NPAS3: variants seen among roughly 807,000 people sequenced by gnomAD.
NPAS3 encodes neuronal PAS domain protein 3.
NPAS3 carries 14 observed loss-of-function variants against 73.1 expected under a neutral mutation model. That is an observed-to-expected ratio of 0.19 (90% confidence interval 0.13 to 0.30). The LOEUF is 0.30. NPAS3 is among the 10% of genes least tolerant of loss of function. NPAS3 has a pLI of 1.00. For synonymous variants in NPAS3, 620 were observed against 541.5 expected, an observed-to-expected ratio of 1.14 and a Z score of -2.01; for missense variants, 1,096 against 1,250.0, an observed-to-expected ratio of 0.88 and a Z score of 1.86.
chr14:33,681,538 T>TAAAAATCAGGGAA (rs2059938145), intron 6 of NPAS3, among the ~76,000 whole-genome samples: 2 of 152,192 alleles, frequency 1.3e-5, no homozygotes, highest in South Asian at 4.1e-4. Flanking sequence ...CTGAAGCCTT[T>TAAAAATCAGGGAA]AAAAATCAGG....
intron 3 of NPAS3, among the ~76,000 whole-genome samples, chr14:33,339,695 A>G (rs968490059): frequency 1.3e-5 from 2 of 152,180 alleles, no homozygotes; most frequent in African/African-American, 4.8e-5. Context: ...TAAATAAATA[A>G]TCAGCATGAC....
At chr14:33,506,410 A>C (rs1357486310) in intron 4 of NPAS3, among the ~76,000 whole-genome samples, 1 of 152,090 alleles carries the variant, frequency 6.6e-6, no homozygotes, top group African/African-American at 2.4e-5. Context: ...ATACTATCCA[A>C]GTGATTAAAT....
At chr14:33,493,275 T>C (rs2051994680) in intron 4 of NPAS3, among the ~76,000 whole-genome samples, 1 of 151,948 alleles carries the variant, frequency 6.6e-6, no homozygotes, top group Non-Finnish European at 1.5e-5. Flanking sequence ...AAATACTTTC[T>C]GACAATCGGG....
intron 3 of NPAS3, among the ~76,000 whole-genome samples, chr14:33,332,126 C>G (rs1284520992): frequency 6.6e-6 from 1 of 152,186 alleles, no homozygotes; most frequent in Non-Finnish European, 1.5e-5. Context: ...TAAGGTAATA[C>G]AAGGTTCTGG....
chr14:33,086,828 CAG>C (rs1344103180), intron 2 of NPAS3, among the ~76,000 whole-genome samples: 3 of 152,004 alleles, frequency 2.0e-5, no homozygotes, highest in Non-Finnish European at 4.4e-5. Flanking sequence ...TATTGTAAGA[CAG>C]AAGTTGGAGA....
At chr14:33,667,240 C>T (rs1371140878) in intron 5 of NPAS3, among the ~76,000 whole-genome samples, 2 of 152,178 alleles carry the variant, frequency 1.3e-5, no homozygotes, top group African/African-American at 2.4e-5. Context: ...ACACCTGACT[C>T]GTGCCTTCCA....
intron 5 of NPAS3, among the ~76,000 whole-genome samples, chr14:33,581,828 C>T (rs531987271): frequency 6.6e-6 from 1 of 152,216 alleles, no homozygotes; most frequent in Non-Finnish European, 1.5e-5. Flanking sequence ...CCTGCCTCAG[C>T]CTTCCAAAGT....
At chr14:33,225,304 A>G (rs1403778516) in intron 3 of NPAS3, among the ~76,000 whole-genome samples, 4 of 152,368 alleles carry the variant, frequency 2.6e-5, no homozygotes, top group South Asian at 4.1e-4. Flanking sequence ...AGAGTCATAC[A>G]TGAGCACAGG....
intron 4 of NPAS3, among the ~76,000 whole-genome samples, chr14:33,408,636 G>C (rs921861953): frequency 6.6e-6 from 1 of 152,078 alleles, no homozygotes; most frequent in African/African-American, 2.4e-5. Flanking sequence ...AATGTAACTC[G>C]TGTTCTTATT....
intron 3 of NPAS3, among the ~76,000 whole-genome samples, chr14:33,304,187 T>A (rs1473308424): frequency 1.3e-5 from 2 of 152,224 alleles, no homozygotes; most frequent in East Asian, 3.8e-4. Context: ...GTTAACAGAT[T>A]TAACTCTTGG....
intron 1 of NPAS3, among the ~76,000 whole-genome samples, chr14:32,979,500 G>A (rs776658439): frequency 1.3e-5 from 2 of 152,134 alleles, no homozygotes; most frequent in Non-Finnish European, 1.5e-5. Flanking sequence ...AGGTATCAGT[G>A]TAAGGTCACA....
intron 4 of NPAS3, among the ~76,000 whole-genome samples, chr14:33,538,301 TAA>T (rs1035745758): frequency 6.6e-6 from 1 of 152,150 alleles, no homozygotes; most frequent in Admixed American, 6.5e-5. Flanking sequence ...CTAATAATGC[TAA>T]ACCAAAAGAA....
intron 5 of NPAS3, among the ~76,000 whole-genome samples, chr14:33,585,700 T>G (rs1595213696): frequency 6.6e-6 from 1 of 152,224 alleles, no homozygotes; most frequent in Admixed American, 6.5e-5. Flanking sequence ...CTAATGTCAT[T>G]AATGTTCCAA....
At chr14:33,295,032 T>G (rs2042239677) in intron 3 of NPAS3, among the ~76,000 whole-genome samples, 1 of 152,112 alleles carries the variant, frequency 6.6e-6, no homozygotes, top group African/African-American at 2.4e-5. Context: ...AAAGATAATT[T>G]TATAGAAAAA....
intron 4 of NPAS3, among the ~76,000 whole-genome samples, chr14:33,464,123 C>T (rs7155859): frequency 0.94 from 142,747 of 152,226 alleles, 67,047 homozygotes; most frequent in African/African-American, 0.98. Flanking sequence ...AAATGAGGGA[C>T]ATTATATCTG....
chr14:33,094,506 C>T (rs2042339290), intron 2 of NPAS3, among the ~76,000 whole-genome samples: 1 of 147,222 alleles, frequency 6.8e-6, no homozygotes, highest in African/African-American at 2.6e-5. Flanking sequence ...CACTCTGTTG[C>T]CCAGGCCAGA....
intron 2 of NPAS3, among the ~76,000 whole-genome samples, chr14:33,099,817 G>C (rs1257553331): frequency 1.3e-5 from 2 of 152,072 alleles, no homozygotes; most frequent in Non-Finnish European, 2.9e-5. Context: ...TAATAAATGG[G>C]AGAGAAAGGA....
At chr14:33,572,762 C>T (rs185449622) in intron 5 of NPAS3, among the ~76,000 whole-genome samples, 165 of 152,228 alleles carry the variant, frequency 1.1e-3, no homozygotes, top group Non-Finnish European at 2.0e-3. Context: ...CAGTGGCACA[C>T]ACCTGTAATC....
intron 9 of NPAS3, among the ~76,000 whole-genome samples, chr14:33,786,633 T>C (rs1054405270): frequency 3.9e-5 from 6 of 152,376 alleles, no homozygotes; most frequent in African/African-American, 1.4e-4. Context: ...ACATACCACC[T>C]GCCATACAGT....
Sources: gnomAD v4.1 joint callset for allele counts (sites outside exome capture counted in the v4.1 genomes callset) on GRCh38, gnomAD v4.1.1 for gene constraint, MANE v1.5 for transcripts, NCBI Gene and HGNC (gene_info 2026-07-23, HGNC 2026-07-21) for gene names.